PRKCE: variants seen among roughly 807,000 people sequenced by gnomAD.
PRKCE encodes the protein protein kinase C epsilon type.
Under a neutral mutation model 85.4 loss-of-function variants are expected in PRKCE, and 16 were observed. That is an observed-to-expected ratio of 0.19 (90% confidence interval 0.13 to 0.28). The LOEUF (loss-of-function observed/expected upper bound fraction) is 0.28, where lower values mean the gene tolerates loss of function less well. Among genes scored for constraint, PRKCE ranks in the 10% least tolerant of loss-of-function variants. PRKCE has a pLI of 1.00. For synonymous variants in PRKCE, 388 were observed against 371.5 expected (o/e 1.04, Z -0.51); for missense variants, 573 against 975.2 (o/e 0.59, Z 5.49).
Position 46,171,498 on chromosome 2 carries a change from C to T in PRKCE, c.2067+11746C>T, listed in dbSNP as rs140055167. On this transcript the variant is annotated intron_variant, in intron 14 of 14. Coordinates refer to ENST00000306156, the MANE Select transcript of PRKCE (RefSeq NM_005400.3). Reference sequence around the variant, plus strand: ...TGCAGATGGCTGCATTGATGCCTCCCGGCAGTTCATCATGGGAGGCAGGAT... The same window carrying T: ...TGCAGATGGCTGCATTGATGCCTCCTGGCAGTTCATCATGGGAGGCAGGAT... 6.9e-4 allele frequency among the ~76,000 whole-genome samples: 105 copies of T among 152,324 alleles called. No individual in the cohort carries two copies. In the East Asian group the frequency reaches 0.018, roughly 27 times the overall value.
At chr2:45,750,915 T>G (rs1459410746) in intron 1 of PRKCE, among the ~76,000 whole-genome samples, 2 of 152,174 alleles carry the variant, frequency 1.3e-5, no homozygotes, top group Admixed American at 6.5e-5. Flanking sequence ...GCAGCCAGAA[T>G]ATTATCACCA....
At chr2:46,142,614 C>G (rs748701897) in intron 11 of PRKCE, among the ~76,000 whole-genome samples, 7 of 152,250 alleles carry the variant, frequency 4.6e-5, no homozygotes, top group Non-Finnish European at 8.8e-5. Flanking sequence ...TGCCTGCAGA[C>G]CATGCTTGGC....
chr2:45,762,608 T>A (rs919319705), intron 1 of PRKCE, among the ~76,000 whole-genome samples: 1 of 152,230 alleles, frequency 6.6e-6, no homozygotes, highest in African/African-American at 2.4e-5. Flanking sequence ...AGGAAGATGT[T>A]ATCTAAAAGA....
chr2:46,089,538 C>G (rs1360801682), intron 11 of PRKCE, among the ~76,000 whole-genome samples: 1 of 152,214 alleles, frequency 6.6e-6, no homozygotes, highest in Non-Finnish European at 1.5e-5. Context: ...TTCTTAGCAG[C>G]CTTCAGCCCT....
At chr2:45,839,125 TA>T (rs35178972) in intron 1 of PRKCE, among the ~76,000 whole-genome samples, 65,326 of 150,822 alleles carry the variant, frequency 0.43, 14,205 homozygotes, top group Middle Eastern at 0.53. Flanking sequence ...GGTGCTTAGT[TA>T]AAAAAAAAAT....
chr2:46,039,889 T>G (rs1004301365), intron 10 of PRKCE, among the ~76,000 whole-genome samples: 1 of 152,188 alleles, frequency 6.6e-6, no homozygotes, highest in African/African-American at 2.4e-5. Flanking sequence ...GGGTTATTTG[T>G]GGGTCTCCGC....
intron 11 of PRKCE, among the ~76,000 whole-genome samples, chr2:46,097,285 G>A (rs1670781609): frequency 1.3e-5 from 2 of 152,106 alleles, no homozygotes; most frequent in South Asian, 2.1e-4. Flanking sequence ...TTGGGAGGCC[G>A]AGGTGGGTGG....
chr2:46,154,784 C>T (rs1042066374), intron 13 of PRKCE, among the ~76,000 whole-genome samples: 1 of 151,376 alleles, frequency 6.6e-6, no homozygotes, highest in African/African-American at 2.4e-5. Context: ...TCCCTATCCA[C>T]CTTTATCCTG....
intron 1 of PRKCE, among the ~76,000 whole-genome samples, chr2:45,723,592 A>G (rs1680803514): frequency 6.7e-6 from 1 of 150,082 alleles, no homozygotes; most frequent in Non-Finnish European, 1.5e-5. Context: ...TAACATTCCA[A>G]TACATGTTCT....
intron 10 of PRKCE, among the ~76,000 whole-genome samples, chr2:46,037,330 G>A (rs1707929866): frequency 6.6e-6 from 1 of 152,170 alleles, no homozygotes; most frequent in South Asian, 2.1e-4. Context: ...TCCAAGTCAG[G>A]CCTATCTGCA....
chr2:45,818,296 T>A (rs1467048527), intron 1 of PRKCE, among the ~76,000 whole-genome samples: 2 of 152,172 alleles, frequency 1.3e-5, no homozygotes, highest in African/African-American at 2.4e-5. Context: ...GACTTGTAGA[T>A]TTCTATCTTT....
At position 46,146,298 on chromosome 2, in the gene PRKCE, C is replaced by T. The variant is rs187270964; in HGVS notation, c.1731+1067C>T. 3.4e-3 allele frequency among the ~76,000 whole-genome samples: 525 copies of T among 152,358 alleles called. 5 individuals carry two copies. Among genetic ancestry groups the T allele is most frequent in the Non-Finnish European group, 4.6e-3 (313 of 68,038 alleles). The stretch of plus-strand genomic sequence containing the variant: ...AGTACCAATCCCCACTAAACATCGC[C>T]CATGGCGGATAGGTATTAGCACATT... On this transcript the variant is annotated intron_variant, in intron 12 of 14. Coordinates refer to ENST00000306156, the MANE Select transcript of PRKCE (RefSeq NM_005400.3).
rs367786445 is a variant in PRKCE, at chr2:45,902,688, G to T, written c.412+59625G>T. Among the ~76,000 whole-genome samples, 11 of 152,312 alleles carry T rather than the reference G, an allele frequency of 7.2e-5. No homozygotes were observed. In the East Asian group the frequency reaches 1.9e-3, roughly 27 times the overall value. ...TACACTGGTCTGGGAGCTTGGCTAG[G>T]AAGACTTCTGAAGAACCCAGCCCCC... On this transcript the variant is annotated intron_variant, in intron 2 of 14. Transcript: ENST00000306156.
At chr2:46,140,122 C>G (rs371239744) in intron 11 of PRKCE, among the ~76,000 whole-genome samples, 3 of 152,274 alleles carry the variant, frequency 2.0e-5, no homozygotes, top group East Asian at 3.9e-4. Context: ...AAAATATCAA[C>G]TCTCCCTAAG....
chr2:45,868,051 T>C (rs1226372904), intron 2 of PRKCE, among the ~76,000 whole-genome samples: 1 of 152,078 alleles, frequency 6.6e-6, no homozygotes, highest in Admixed American at 6.5e-5. Context: ...GGTCACAGCT[T>C]TTGAACTGCT....
intron 2 of PRKCE, among the ~76,000 whole-genome samples, chr2:45,972,415 T>G (rs1015113671): frequency 6.6e-6 from 1 of 152,192 alleles, no homozygotes; most frequent in East Asian, 1.9e-4. Flanking sequence ...ATTCTTCAGG[T>G]TGCCTTTTTA....
intron 2 of PRKCE, among the ~76,000 whole-genome samples, chr2:45,916,443 C>G (rs1279097638): frequency 6.6e-6 from 1 of 151,962 alleles, no homozygotes; most frequent in African/African-American, 2.4e-5. Context: ...ATGGGGGTCT[C>G]ACTGTTGCCC....
At chr2:45,669,840 G>A (rs142055092) in intron 1 of PRKCE, among the ~76,000 whole-genome samples, 1,987 of 152,134 alleles carry the variant, frequency 0.013, 39 homozygotes, top group African/African-American at 0.044. Flanking sequence ...GCGAAACCCC[G>A]TCTCTACTAA....
Position 45,986,997 on chromosome 2 carries a change from T to C in PRKCE, c.823+2317T>C, listed in dbSNP as rs2104613666. ...AGTGTGGTTGCCGGGAAGCAGGGCCTGCTTTGGAGGGAACCCTGATGAGCT... is the reference window on the plus strand; with the variant it reads ...AGTGTGGTTGCCGGGAAGCAGGGCCCGCTTTGGAGGGAACCCTGATGAGCT... On this transcript the variant is annotated intron_variant, in intron 6 of 14. Transcript: ENST00000306156. Among the ~76,000 whole-genome samples the C allele has an allele frequency of 1.3e-5, 2 of 150,368 alleles. 1 individual carries two copies. The highest frequency in any genetic ancestry group is 3.0e-5 in the Non-Finnish European group (2 of 67,778).
Sources: allele counts gnomAD v4.1 joint callset (sites outside exome capture counted in the v4.1 genomes callset), GRCh38; gene constraint gnomAD v4.1.1; transcripts MANE v1.5; gene names NCBI Gene and HGNC (gene_info 2026-07-23, HGNC 2026-07-21).